The following RAD51B variants were observed in gnomAD, a reference collection of about 807,000 sequenced individuals.
RAD51B encodes RAD51 paralog B.
Under a neutral mutation model 42.2 loss-of-function variants are expected in RAD51B, and 38 were observed. The observed-to-expected ratio is 0.90, with a 90% CI of 0.70 to 1.18. The LOEUF (loss-of-function observed/expected upper bound fraction) is 1.18. RAD51B is among the 50% of genes most tolerant of loss of function. The pLI is 0.00. For missense variants in RAD51B, 373 were observed against 400.7 expected (o/e 0.93, Z 0.59); for synonymous variants, 154 against 145.2 (o/e 1.06, Z -0.43).
intron 7 of RAD51B, among the ~76,000 whole-genome samples, chr14:68,234,252 C>G (rs2080202257): frequency 6.6e-6 from 1 of 152,040 alleles, no homozygotes; most frequent in Non-Finnish European, 1.5e-5. Context: ...GAAAAGCAGC[C>G]TTGGGGAATG....
chr14:68,613,598 A>T (rs138247697), downstream of RAD51B, among the ~76,000 whole-genome samples: 1,103 of 151,812 alleles, frequency 7.3e-3, 47 homozygotes, highest in Admixed American at 0.054. Flanking sequence ...GGACTACAGG[A>T]GCCCACCACC....
chr14:68,327,920 G>A (rs1011642595), intron 8 of RAD51B, among the ~76,000 whole-genome samples: 9 of 152,004 alleles, frequency 5.9e-5, no homozygotes, highest in Admixed American at 3.3e-4. Flanking sequence ...TCACTAATAC[G>A]TATTTATTTT....
intron 8 of RAD51B, among the ~76,000 whole-genome samples, chr14:68,340,682 C>T (rs988479002): frequency 6.6e-5 from 10 of 152,192 alleles, no homozygotes; most frequent in African/African-American, 2.4e-4. Context: ...TTTTTGTATG[C>T]CTTTTTTCCT....
At chr14:68,338,515 A>C (rs1483437200) in intron 8 of RAD51B, among the ~76,000 whole-genome samples, 1 of 152,230 alleles carries the variant, frequency 6.6e-6, no homozygotes, top group Non-Finnish European at 1.5e-5. Context: ...GGATCTGATC[A>C]GTCTGGCACA....
chr14:68,613,223 C>T (rs1197832587), downstream of RAD51B, among the ~76,000 whole-genome samples: 1 of 151,954 alleles, frequency 6.6e-6, no homozygotes, highest in Non-Finnish European at 1.5e-5. Context: ...CAAGACCAGC[C>T]TGCCCAACAT....
intron 7 of RAD51B, among the ~76,000 whole-genome samples, chr14:68,024,005 C>T (rs2075911081): frequency 1.3e-5 from 2 of 152,120 alleles, no homozygotes; most frequent in Non-Finnish European, 2.9e-5. Flanking sequence ...ATTTAATCTA[C>T]CCTGAGTTAA....
chr14:67,905,429 G>A (rs1332939206), intron 7 of RAD51B, among the ~76,000 whole-genome samples: 4 of 152,070 alleles, frequency 2.6e-5, no homozygotes, highest in Non-Finnish European at 4.4e-5. Flanking sequence ...TTTTAGAATA[G>A]GTTTTTTTCC....
intron 11 of RAD51B, among the ~76,000 whole-genome samples, chr14:68,668,890 G>A (rs1039246311): frequency 1.3e-5 from 2 of 152,342 alleles, no homozygotes; most frequent in South Asian, 4.1e-4. Flanking sequence ...TCTAAAACTG[G>A]TAAAGTAATT....
At chr14:68,006,845 A>C (rs1227533403) in intron 7 of RAD51B, among the ~76,000 whole-genome samples, 1 of 152,154 alleles carries the variant, frequency 6.6e-6, no homozygotes, top group South Asian at 2.1e-4. Flanking sequence ...TTTATGTTCC[A>C]TTTTTAATGT....
chr14:67,864,936 T>A, intron 4 of RAD51B, 67 bp from the exon 5 acceptor site: 1 of 1,402,436 alleles, frequency 7.1e-7, no homozygotes, highest in Non-Finnish European at 9.2e-7. Context: ...TTGCTTTGAC[T>A]GGCTTGTGAT....
chr14:67,963,890 A>G (rs1417316052), intron 7 of RAD51B, among the ~76,000 whole-genome samples: 1 of 151,784 alleles, frequency 6.6e-6, no homozygotes, highest in Non-Finnish European at 1.5e-5. Flanking sequence ...AACAGACATA[A>G]TCTTATGAAT....
chr14:68,238,731 C>T (rs550783394), intron 7 of RAD51B, among the ~76,000 whole-genome samples: 115 of 152,298 alleles, frequency 7.6e-4, no homozygotes, highest in African/African-American at 2.7e-3. Context: ...TGTATCCCTG[C>T]GTTGTGGTCT....
intron 11 of RAD51B, among the ~76,000 whole-genome samples, chr14:68,656,650 C>T (rs754165581): frequency 1.3e-5 from 2 of 152,176 alleles, no homozygotes; most frequent in African/African-American, 4.8e-5. Flanking sequence ...ATTGAAAAGG[C>T]GACCGCAGGC....
Position 68,445,099 on chromosome 14 carries a change from A to G in RAD51B, c.958-23073A>G, listed in dbSNP as rs1233237743. Among the ~76,000 whole-genome samples, 3 of 152,104 alleles carry G rather than the reference A, an allele frequency of 2.0e-5. No homozygotes were observed. In the East Asian group the frequency reaches 5.8e-4, roughly 29 times the overall value. ...GAGGTCCAGAGACCTTCATTATGGA[A>G]CCCAATGCCAACAGCAAACTAGAAC... On this transcript the variant is annotated intron_variant, in intron 9 of 10. Coordinates refer to ENST00000471583, the MANE Select transcript of RAD51B (RefSeq NM_133510.4).
intron 8 of RAD51B, among the ~76,000 whole-genome samples, chr14:68,388,078 G>A (rs8019101): frequency 0.75 from 84,192 of 111,866 alleles, 31,692 homozygotes; most frequent in East Asian, 0.91. Flanking sequence ...GTGTGTGTGT[G>A]TATATATATA....
intron 10 of RAD51B, among the ~76,000 whole-genome samples, chr14:68,570,883 A>ACACACACACACACACACACACATG (rs1889663580): frequency 1.3e-5 from 2 of 151,110 alleles, no homozygotes; most frequent in Non-Finnish European, 3.0e-5. Flanking sequence ...CCACACACAC[A>ACACACACACACACACACACACATG]CACACACACA....
chr14:68,156,537 G>C (rs2078515769), intron 7 of RAD51B, among the ~76,000 whole-genome samples: 1 of 136,260 alleles, frequency 7.3e-6, no homozygotes, highest in Non-Finnish European at 1.5e-5. Flanking sequence ...GCTATTCTTG[G>C]GTCTTAGTTT....
intron 10 of RAD51B, among the ~76,000 whole-genome samples, chr14:68,499,071 A>G (rs1884740858): frequency 6.6e-6 from 1 of 152,204 alleles, no homozygotes; most frequent in South Asian, 2.1e-4. Context: ...GAGGTTGGCA[A>G]GAAGAGGAGA....
intron 7 of RAD51B, among the ~76,000 whole-genome samples, chr14:68,020,469 T>C (rs1376910350): frequency 6.6e-6 from 1 of 152,084 alleles, no homozygotes; most frequent in Non-Finnish European, 1.5e-5. Context: ...TTAAAGTTAC[T>C]TTAAAATTAC....
Sources: allele counts gnomAD v4.1 joint callset (sites outside exome capture counted in the v4.1 genomes callset), GRCh38; gene constraint gnomAD v4.1.1; transcripts MANE v1.5; gene names NCBI Gene and HGNC (gene_info 2026-07-23, HGNC 2026-07-21).